Variants in VEZT observed in about 807,000 individuals in gnomAD.
VEZT encodes the protein vezatin.
VEZT carries 39 observed loss-of-function variants against 79.9 expected under a neutral mutation model. The ratio of observed to expected loss-of-function variants is 0.49; its 90% CI spans 0.38 to 0.64. VEZT has a LOEUF of 0.64. VEZT is among the 30% of genes least tolerant of loss of function. The probability of loss-of-function intolerance (pLI) is 0.00; values close to 1 mark genes in which losing one functional copy is unlikely to be tolerated. For synonymous variants in VEZT, 325 were observed against 327.6 expected (o/e 0.99, Z 0.09); for missense variants, 837 against 893.1 (o/e 0.94, Z 0.80).
chr12:95,296,907 T>G (rs1414593297), intron 11 of VEZT: 1 of 150,928 alleles, frequency 6.6e-6, no homozygotes, highest in Admixed American at 6.6e-5. Context: ...GCCACTGCAC[T>G]CCAGCCTGGG....
chr12:95,268,053 CA>C (rs143407098), intron 5 of VEZT, among the ~76,000 whole-genome samples: 2 of 147,178 alleles, frequency 1.4e-5, no homozygotes, highest in Non-Finnish European at 3.0e-5. Context: ...GACTTGGTCT[CA>C]AAAAAAAAAG....
At chr12:95,290,989 G>A (rs1399180151) in intron 9 of VEZT, among the ~76,000 whole-genome samples, 1 of 152,084 alleles carries the variant, frequency 6.6e-6, no homozygotes, top group Non-Finnish European at 1.5e-5. Flanking sequence ...CACAGGCCAG[G>A]TGCGGTGGCT....
rs2063586153 is a variant in VEZT at position 95,257,088 on chromosome 12, A to G, written c.169-62A>G. 1.7e-5 allele frequency: 23 copies of G among 1,348,032 alleles called. No individual in the cohort carries two copies. In the South Asian group the frequency reaches 3.0e-4, roughly 17 times the overall value. The allele number at this position is 1,348,032 out of a possible 1,614,324, so 83.5% of individuals were successfully genotyped here. ...CATTGATTGGAGGTAAGTACTTTGA[A>G]GTTTTTCTGCTGTTTGGGTATGCTT... On this transcript the variant is annotated intron_variant, in intron 2 of 11. Transcript: ENST00000436874.
At chr12:95,257,605 C>CT (rs2063668065) in intron 3 of VEZT, among the ~76,000 whole-genome samples, 1 of 152,126 alleles carries the variant, frequency 6.6e-6, no homozygotes, top group Admixed American at 6.6e-5. Context: ...AACAGTCAAC[C>CT]TGAAAGGTCT....
intron 1 of VEZT, among the ~76,000 whole-genome samples, chr12:95,242,686 C>T (rs2061190023): frequency 6.6e-6 from 1 of 152,114 alleles, no homozygotes; most frequent in Non-Finnish European, 1.5e-5. Flanking sequence ...CCAGACTGGC[C>T]AACCTGGTAA....
rs947294147 is a variant in VEZT at position 95,301,307 on chromosome 12, A to T, written c.*634A>T. On this transcript the variant is annotated 3_prime_UTR_variant, in exon 12 of 12. Transcript: ENST00000436874. ...TCCTAGTGATCTTTAAAAGAAAAATATTGTACCATTTTTTAGAATTACACT... is the reference window on the plus strand; with the variant it reads ...TCCTAGTGATCTTTAAAAGAAAAATTTTGTACCATTTTTTAGAATTACACT... The T allele has an allele frequency of 1.3e-5, 2 of 152,190 alleles. No individual in the cohort carries two copies. Among genetic ancestry groups the T allele is most frequent in the Admixed American group, 1.3e-4 (2 of 15,272 alleles). 9.4% of individuals were successfully genotyped at this position (152,190 alleles called of 1,614,324 possible). A position where few individuals can be genotyped will look rare whatever the true frequency, so the allele number is the denominator to read the frequency against.
chr12:95,239,948 A>AAGAGAGAGAG (rs140000740), intron 1 of VEZT, among the ~76,000 whole-genome samples: 145 of 119,960 alleles, frequency 1.2e-3, no homozygotes, highest in African/African-American at 2.5e-3. Flanking sequence ...GGAGACTCGA[A>AAGAGAGAGAG]AGAGAGAGAG....
chr12:95,230,422 TC>T (rs2059105338), intron 1 of VEZT, among the ~76,000 whole-genome samples: 2 of 118,366 alleles, frequency 1.7e-5, no homozygotes, highest in Non-Finnish European at 3.3e-5. Flanking sequence ...TCTTTTTCTT[TC>T]TTTTTTTTTT....
chr12:95,222,414 C>T (rs2057758752), intron 1 of VEZT, among the ~76,000 whole-genome samples: 1 of 152,164 alleles, frequency 6.6e-6, no homozygotes, highest in African/African-American at 2.4e-5. Flanking sequence ...TTTTTCCCCA[C>T]TGAACTGTAG....
intron 1 of VEZT, among the ~76,000 whole-genome samples, chr12:95,233,537 C>T (rs1186273208): frequency 6.6e-6 from 1 of 152,060 alleles, no homozygotes; most frequent in African/African-American, 2.4e-5. Flanking sequence ...GTAGCTGGGA[C>T]TACAGGTGTG....
chr12:95,222,574 T>G (rs1263093086), intron 1 of VEZT, among the ~76,000 whole-genome samples: 9 of 152,204 alleles, frequency 5.9e-5, no homozygotes, highest in Non-Finnish European at 1.3e-4. Flanking sequence ...TAATATCTGA[T>G]AGCATAAGAC....
At chr12:95,248,821 C>CA (rs3080331) in intron 1 of VEZT, among the ~76,000 whole-genome samples, 1,981 of 104,502 alleles carry the variant, frequency 0.019, 21 homozygotes, top group African/African-American at 0.033. Flanking sequence ...GACCCTATCT[C>CA]AAAAAAAAAA....
intron 5 of VEZT, among the ~76,000 whole-genome samples, chr12:95,268,172 TA>T (rs1352519557): frequency 6.6e-6 from 1 of 151,852 alleles, no homozygotes; most frequent in Non-Finnish European, 1.5e-5. Flanking sequence ...TGTCAAATTT[TA>T]AAAGTTTAAA....
In VEZT at chr12:95,282,590, A is replaced by G. The variant is rs766916959; in HGVS notation, c.1274A>G (p.Asn425Ser). 6.2e-7 allele frequency: 1 copy of G among 1,613,962 alleles called. No homozygotes were observed. The highest frequency in any genetic ancestry group is 2.2e-5 in the East Asian group (1 of 44,876). The change falls in exon 8 of 12, where the codon AAT (asparagine) becomes AGT (serine). Residue 425 changes from asparagine (N) to serine (S), a missense_variant. Asn to Ser is a conservative substitution (Grantham distance 46). Transcript: ENST00000436874. ...KTQQKSRELNNVHTAVRSLQL... is the reference protein window; with the variant it reads ...KTQQKSRELNSVHTAVRSLQL... Reference sequence around the variant, plus strand: ...CAACAGAAGTCAAGAGAACTGAATAATGTTCACACAGCAGTGCGTAGCTTG... The same window carrying G: ...CAACAGAAGTCAAGAGAACTGAATAGTGTTCACACAGCAGTGCGTAGCTTG...
chr12:95,287,572 A>T (rs1417319140), intron 8 of VEZT, 92 bp from the exon 9 acceptor site: 38 of 1,241,310 alleles, frequency 3.1e-5, no homozygotes, highest in Non-Finnish European at 3.8e-5. Flanking sequence ...CAAAGTGCTG[A>T]GATTTAAGCT....
chr12:95,222,386 A>G (rs190080757), intron 1 of VEZT, among the ~76,000 whole-genome samples: 6 of 152,286 alleles, frequency 3.9e-5, no homozygotes, highest in Admixed American at 3.9e-4. Context: ...ACCTGGCACC[A>G]TTTACTGAAC....
At chr12:95,225,761 C>CAAAAAAAAAAAAAAA (rs531470163) in intron 1 of VEZT, among the ~76,000 whole-genome samples, 1 of 40,870 alleles carries the variant, frequency 2.4e-5, no homozygotes, top group Non-Finnish European at 5.3e-5. Context: ...TGTTTCATAG[C>CAAAAAAAAAAAAAAA]AAAAAAAAAA....
chr12:95,241,661 A>T (rs960049475), intron 1 of VEZT, among the ~76,000 whole-genome samples: 1 of 152,080 alleles, frequency 6.6e-6, no homozygotes, highest in African/African-American at 2.4e-5. Flanking sequence ...AAATGTGGGG[A>T]GGGGGAGTTG....
chr12:95,297,524 TACATTA>T (rs1036489751), intron 11 of VEZT, among the ~76,000 whole-genome samples: 1 of 152,212 alleles, frequency 6.6e-6, no homozygotes, highest in Non-Finnish European at 1.5e-5. Context: ...ATTATCCTTG[TACATTA>T]AAATACCTTC....
Sources: allele counts gnomAD v4.1 joint callset (sites outside exome capture counted in the v4.1 genomes callset), GRCh38; gene constraint gnomAD v4.1.1; transcripts MANE v1.5; gene names NCBI Gene and HGNC (gene_info 2026-07-23, HGNC 2026-07-21).